The following SHISA6 variants were observed in gnomAD, a reference collection of about 807,000 sequenced individuals.
SHISA6 encodes shisa family member 6.
Under a neutral mutation model 47.9 loss-of-function variants are expected in SHISA6, and 22 were observed. The observed-to-expected ratio is 0.46, with a 90% CI of 0.33 to 0.66. The LOEUF (loss-of-function observed/expected upper bound fraction) is 0.66, where lower values mean the gene tolerates loss of function less well. Among genes scored for constraint, SHISA6 ranks in the 30% least tolerant of loss-of-function variants. The pLI, the probability that SHISA6 is intolerant of heterozygous loss-of-function variation, is 0.02. For synonymous variants in SHISA6, 388 were observed against 337.8 expected (o/e 1.15, Z -1.63); for missense variants, 680 against 764.6 (o/e 0.89, Z 1.30).
intron 1 of SHISA6, among the ~76,000 whole-genome samples, chr17:11,243,807 C>T (rs769218458): frequency 3.3e-5 from 5 of 152,162 alleles, no homozygotes; most frequent in Admixed American, 6.5e-5. Flanking sequence ...ACCTTCTGCT[C>T]TGACCACAGC....
intron 3 of SHISA6, among the ~76,000 whole-genome samples, chr17:11,396,074 T>G (rs1913562517): frequency 6.6e-6 from 1 of 152,202 alleles, no homozygotes; most frequent in Non-Finnish European, 1.5e-5. Context: ...CCTATTGTCT[T>G]GAGTTTTTTT....
intron 1 of SHISA6, among the ~76,000 whole-genome samples, chr17:11,251,659 G>A (rs918609792): frequency 1.2e-4 from 18 of 152,138 alleles, no homozygotes; most frequent in African/African-American, 4.3e-4. Flanking sequence ...CATCGTGCAT[G>A]CAAGACACAG....
At chr17:11,277,280 T>TCACACACACACACACA (rs113287260) in intron 2 of SHISA6, among the ~76,000 whole-genome samples, 14 of 53,914 alleles carry the variant, frequency 2.6e-4, no homozygotes, top group South Asian at 2.2e-3. Flanking sequence ...TCTCTCTCTC[T>TCACACACACACACACA]CACACACACA....
At chr17:11,266,148 A>G (rs935895276) in intron 2 of SHISA6, among the ~76,000 whole-genome samples, 1 of 152,256 alleles carries the variant, frequency 6.6e-6, no homozygotes, top group Non-Finnish European at 1.5e-5. Flanking sequence ...GAAGTTGAAC[A>G]GAACTTTGCA....
intron 1 of SHISA6, among the ~76,000 whole-genome samples, chr17:11,253,881 C>A (rs1907912507): frequency 6.6e-6 from 1 of 152,112 alleles, no homozygotes; most frequent in South Asian, 2.1e-4. Flanking sequence ...GGTTATGGAT[C>A]TGGAGGCAGA....
intron 2 of SHISA6, among the ~76,000 whole-genome samples, chr17:11,304,816 A>C (rs561052218): frequency 6.6e-6 from 1 of 152,206 alleles, no homozygotes; most frequent in East Asian, 1.9e-4. Context: ...GCTGGGGATG[A>C]GGGCTCGGTG....
chr17:11,299,355 A>G (rs1053922909), intron 2 of SHISA6, among the ~76,000 whole-genome samples: 3 of 151,898 alleles, frequency 2.0e-5, no homozygotes, highest in Non-Finnish European at 4.4e-5. Flanking sequence ...AGATATTACT[A>G]TTTCTGGTGT....
chr17:11,389,077 A>G (rs868567810), intron 3 of SHISA6, among the ~76,000 whole-genome samples: 1 of 152,118 alleles, frequency 6.6e-6, no homozygotes, highest in African/African-American at 2.4e-5. Flanking sequence ...AGTCAGGTTG[A>G]TATGAGGAGC....
intron 3 of SHISA6, among the ~76,000 whole-genome samples, chr17:11,417,662 A>C: frequency 6.6e-6 from 1 of 152,240 alleles, no homozygotes; most frequent in East Asian, 1.9e-4. Context: ...CAAACATAGA[A>C]GGCTGCTTTG....
At chr17:11,536,471 CTTGAG>C (rs1343663001) in intron 3 of SHISA6, among the ~76,000 whole-genome samples, 1 of 152,172 alleles carries the variant, frequency 6.6e-6, no homozygotes, top group African/African-American at 2.4e-5. Flanking sequence ...AATATTTCAA[CTTGAG>C]TTGAGTTTTG....
At chr17:11,309,134 TA>T (rs1175762633) in intron 2 of SHISA6, among the ~76,000 whole-genome samples, 1 of 151,998 alleles carries the variant, frequency 6.6e-6, no homozygotes, top group East Asian at 1.9e-4. Context: ...TTAGCCAATT[TA>T]AAAAATGATT....
At chr17:11,257,893 T>C (rs1201918030) in intron 1 of SHISA6, among the ~76,000 whole-genome samples, 2 of 152,222 alleles carry the variant, frequency 1.3e-5, no homozygotes, top group African/African-American at 2.4e-5. Flanking sequence ...AGTTTTTATA[T>C]GAACAGTTCC....
chr17:11,271,775 C>T (rs879315591), intron 2 of SHISA6, among the ~76,000 whole-genome samples: 3 of 152,008 alleles, frequency 2.0e-5, no homozygotes, highest in Non-Finnish European at 2.9e-5. Context: ...TTCCATTTAA[C>T]AAGACCCCCT....
intron 3 of SHISA6, among the ~76,000 whole-genome samples, chr17:11,411,737 C>G (rs1422058946): frequency 6.6e-6 from 1 of 152,108 alleles, no homozygotes; most frequent in Non-Finnish European, 1.5e-5. Flanking sequence ...TCACAGATTG[C>G]CCAAGGCTGG....
At chr17:11,538,507 C>T (rs192481893) in intron 3 of SHISA6, among the ~76,000 whole-genome samples, 1 of 152,238 alleles carries the variant, frequency 6.6e-6, no homozygotes, top group East Asian at 1.9e-4. Flanking sequence ...CGTGTGAGTC[C>T]CTGGCATGTT....
At chr17:11,341,035 A>C (rs1911508236) in intron 2 of SHISA6, among the ~76,000 whole-genome samples, 1 of 152,162 alleles carries the variant, frequency 6.6e-6, no homozygotes, top group African/African-American at 2.4e-5. Context: ...TCATGTGGAT[A>C]ATAATTGACG....
At chr17:11,309,677 T>C (rs1597451424) in intron 2 of SHISA6, among the ~76,000 whole-genome samples, 1 of 152,262 alleles carries the variant, frequency 6.6e-6, no homozygotes, top group East Asian at 1.9e-4. Context: ...TTTAGCTCTT[T>C]ATTAAATCAA....
chr17:11,552,657 C>T (rs1328870483), intron 4 of SHISA6, among the ~76,000 whole-genome samples: 2 of 152,150 alleles, frequency 1.3e-5, no homozygotes, highest in African/African-American at 4.8e-5. Context: ...GAGAGAGAAA[C>T]TCAAAACAAT....
intron 3 of SHISA6, among the ~76,000 whole-genome samples, chr17:11,528,975 G>A (rs78130113): frequency 2.6e-5 from 4 of 152,044 alleles, no homozygotes; most frequent in African/African-American, 7.2e-5. Flanking sequence ...GGCAGATCAC[G>A]AGGTCGGGAG....
Sources: allele counts gnomAD v4.1 joint callset (sites outside exome capture counted in the v4.1 genomes callset), GRCh38; gene constraint gnomAD v4.1.1; transcripts MANE v1.5; gene names NCBI Gene and HGNC (gene_info 2026-07-23, HGNC 2026-07-21).